ETS2: variants seen among roughly 807,000 people sequenced by gnomAD.
ETS2 encodes protein C-ets-2.
ETS2 carries 19 observed loss-of-function variants against 54.9 expected under a neutral mutation model. That is an observed-to-expected ratio of 0.35 (90% CI 0.24 to 0.51). The LOEUF is 0.51. ETS2 is among the 20% of genes least tolerant of loss of function. The probability of loss-of-function intolerance (pLI) is 0.97; values close to 1 mark genes in which losing one functional copy is unlikely to be tolerated. For synonymous variants in ETS2, 219 were observed against 229.3 expected (o/e 0.95, Z 0.41); for missense variants, 417 against 593.0 (o/e 0.70, Z 3.08).
At chr21:38,817,946 C>G (rs1385453425) in intron 6 of ETS2, among the ~76,000 whole-genome samples, 2 of 152,216 alleles carry the variant, frequency 1.3e-5, no homozygotes, top group Non-Finnish European at 2.9e-5. Context: ...GCTTCCTTCC[C>G]TCTCCAGAAA....
chr21:38,807,358 C>G (rs2060897569), intron 1 of ETS2, among the ~76,000 whole-genome samples: 1 of 150,278 alleles, frequency 6.7e-6, no homozygotes, highest in African/African-American at 2.4e-5. Flanking sequence ...TGTTGTCAGG[C>G]AAATTCTCCT....
At chr21:38,819,996 G>A (rs1478006073) in intron 8 of ETS2, among the ~76,000 whole-genome samples, 1 of 152,176 alleles carries the variant, frequency 6.6e-6, no homozygotes, top group Non-Finnish European at 1.5e-5. Context: ...AAATTGACAG[G>A]CCACTCCCTC....
At position 38,814,520 on chromosome 21, in the gene ETS2, C is replaced by G. The variant is rs1318944774; in HGVS notation, c.304+128C>G. On this transcript the variant is annotated intron_variant, in intron 4 of 9. Transcript: ENST00000360938. This position sits in a 1 kb window ranked among gnomAD's most constrained non-coding sequence, Gnocchi z 4.2. ...CAAAGAGTAGCATGGATGTCGTTAA[C>G]CTGAGCCAGTTTCTGTTTCACCCCA... The G allele has an allele frequency of 3.4e-6, 4 of 1,184,880 alleles. No homozygotes were observed. The East Asian group carries it at 9.7e-5, about 29-fold the overall frequency. The allele number at this position is 1,184,880 out of a possible 1,614,324, so 73.4% of individuals were successfully genotyped here.
At chr21:38,808,020 A>T (rs796540534) in intron 1 of ETS2, among the ~76,000 whole-genome samples, 3 of 152,324 alleles carry the variant, frequency 2.0e-5, no homozygotes, top group African/African-American at 7.2e-5. Context: ...GAAGGGCCTG[A>T]TCTGATAATA....
chr21:38,810,557 G>A (rs541188724), intron 2 of ETS2, among the ~76,000 whole-genome samples: 3 of 152,326 alleles, frequency 2.0e-5, no homozygotes, highest in African/African-American at 4.8e-5. Context: ...TAGGTAGCCT[G>A]TTACTGGCTC....
intron 2 of ETS2, among the ~76,000 whole-genome samples, chr21:38,811,348 G>A (rs1412152429): frequency 2.0e-5 from 3 of 152,172 alleles, no homozygotes; most frequent in Admixed American, 6.5e-5. Context: ...CTGATTGATC[G>A]GTTTTCCTCG....
chr21:38,805,722 C>T, upstream of ETS2: 1 of 999,528 alleles, frequency 1.0e-6, no homozygotes, highest in South Asian at 1.7e-5. The surrounding 1 kb of genome is among the most constrained non-coding windows in gnomAD (Gnocchi z 5.2). Context: ...TCCCCCAACC[C>T]TCCTGCTGCC....
chr21:38,820,512 T>C (rs186518247), intron 8 of ETS2, among the ~76,000 whole-genome samples: 84 of 151,946 alleles, frequency 5.5e-4, no homozygotes, highest in Non-Finnish European at 1.1e-3. Context: ...GGTTTCATTA[T>C]TGGGAGTTTA....
chr21:38,823,115 A>G lies in ETS2; in HGVS notation c.*226A>G. The G allele has an allele frequency of 2.6e-6, 1 of 386,932 alleles. No individual in the cohort carries two copies. Among genetic ancestry groups the G allele is most frequent in the Non-Finnish European group, 4.6e-6 (1 of 218,354 alleles). 24.0% of individuals were successfully genotyped at this position (386,932 alleles called of 1,614,324 possible). On this transcript the variant is annotated 3_prime_UTR_variant, in exon 10 of 10. Coordinates refer to ENST00000360938, the MANE Select transcript of ETS2 (RefSeq NM_005239.6). ...CTACTCACAGTGCTTTTAAGTGAAA[A>G]TGGTCGAGAAAGAGGCACCAGGAAG... is the stretch of plus-strand genomic sequence containing the variant.
intron 6 of ETS2, among the ~76,000 whole-genome samples, chr21:38,817,969 G>A (rs1045044296): frequency 2.0e-5 from 3 of 152,214 alleles, no homozygotes; most frequent in Non-Finnish European, 4.4e-5. Context: ...AAATTATTCT[G>A]CAATGAACAG....
chr21:38,820,355 A>C (rs1171095263), intron 8 of ETS2, among the ~76,000 whole-genome samples: 1 of 152,152 alleles, frequency 6.6e-6, no homozygotes, highest in Admixed American at 6.6e-5. Flanking sequence ...ATATGGAGCC[A>C]CTGTGGATTG....
intron 1 of ETS2, among the ~76,000 whole-genome samples, chr21:38,807,113 A>G (rs2060896625): frequency 6.6e-6 from 1 of 152,240 alleles, no homozygotes; most frequent in Non-Finnish European, 1.5e-5. Context: ...CTTTATTAAA[A>G]TTCTGAGTAG....
At chr21:38,815,658 C>A (rs1054143147) in intron 5 of ETS2, among the ~76,000 whole-genome samples, 1 of 151,454 alleles carries the variant, frequency 6.6e-6, no homozygotes, top group Non-Finnish European at 1.5e-5. Context: ...GGGCCAGGTG[C>A]GGTGGCTCAC....
At chr21:38,808,907 G>A (rs1054375362) in intron 1 of ETS2, among the ~76,000 whole-genome samples, 2 of 152,204 alleles carry the variant, frequency 1.3e-5, no homozygotes, top group African/African-American at 4.8e-5. Context: ...CACCCTAGAG[G>A]TGAAGGCCAT....
chr21:38,814,330 A>G lies in ETS2; in HGVS notation c.242A>G (p.Gln81Arg). 6.2e-7 allele frequency: 1 copy of G among 1,614,022 alleles called. No individual in the cohort carries two copies. The highest frequency in any genetic ancestry group is 8.5e-7 in the Non-Finnish European group (1 of 1,179,912). The change falls in exon 4 of 10, where the codon CAA (glutamine) becomes CGA (arginine). Residue 81 changes from glutamine to arginine, a missense_variant. Transcript: ENST00000360938. This position sits in a 1 kb window ranked among gnomAD's most constrained non-coding sequence, Gnocchi z 4.2. ...CCGTGCAGCAAGGCTGTGATGAGTC[A>G]AGCCTTAAAAGCTACCTTCAGTGGC... is the stretch of plus-strand genomic sequence containing the variant. ...LTPCSKAVMS[Q>R]ALKATFSGFK... is the part of the protein sequence containing the mutation.
chr21:38,823,856 G>T lies in ETS2; in HGVS notation c.*967G>T, dbSNP rs1324441601. On this transcript the variant is annotated 3_prime_UTR_variant, in exon 10 of 10. Coordinates refer to ENST00000360938, the MANE Select transcript of ETS2 (RefSeq NM_005239.6). Reference sequence around the variant, plus strand: ...GTTTAAGTCAGTTTATACACAAAATGGATTTTATTTTTTAGTTTAACTGTG... The same window carrying T: ...GTTTAAGTCAGTTTATACACAAAATTGATTTTATTTTTTAGTTTAACTGTG... The T allele has an allele frequency of 6.6e-6, 1 of 152,522 alleles. No homozygotes were observed. The highest frequency in any genetic ancestry group is 2.4e-5 in the African/African-American group (1 of 41,416). The allele number at this position is 152,522 out of a possible 1,614,324, so 9.4% of individuals were successfully genotyped here. A position where few individuals can be genotyped will look rare whatever the true frequency, so the allele number is the denominator to read the frequency against.
chr21:38,817,081 C>G lies in ETS2; in HGVS notation c.579C>G (p.Ser193Arg), dbSNP rs779726526. 1 of 1,597,824 alleles carries G rather than the reference C, an allele frequency of 6.3e-7. No individual in the cohort carries two copies. Among genetic ancestry groups the G allele is most frequent in the Admixed American group, 1.7e-5 (1 of 59,986 alleles). The change falls in exon 6 of 10, where the codon AGC (serine) becomes AGG (arginine). Residue 193 changes from serine (S) to arginine (R), a missense_variant. By Grantham distance (110) the Ser-to-Arg change is moderately radical. This residue lies in a region of ETS2 where 326 missense variants were observed against 426.1 expected (regional missense o/e 0.76). Coordinates refer to ENST00000360938, the MANE Select transcript of ETS2 (RefSeq NM_005239.6). ...HLTSVPHWIN[S>R]NTLGFGTEQA... ...CCTCCGTTCCTCATTGGATTAACAG[C>G]AATACATTAGGTCAGTCCGATTGAT...
intron 6 of ETS2, 47 bp downstream of exon 6, chr21:38,817,138 C>A (rs753406377): frequency 4.0e-6 from 5 of 1,254,704 alleles, no homozygotes; most frequent in Non-Finnish European, 5.8e-6. Flanking sequence ...TTCAGTCTTC[C>A]CAGTAGACTT....
chr21:38,813,440 G>T (rs112613130), intron 3 of ETS2, among the ~76,000 whole-genome samples: 2 of 152,190 alleles, frequency 1.3e-5, no homozygotes, highest in Non-Finnish European at 2.9e-5. Flanking sequence ...AAAACAGACA[G>T]AAGAGTAGAC....
Sources: gnomAD v4.1 joint callset for allele counts (sites outside exome capture counted in the v4.1 genomes callset) on GRCh38, gnomAD v4.1.1 for gene constraint, gnomAD v4.1.1 regional missense constraint, Gnocchi (gnomAD v3.1) non-coding constraint, MANE v1.5 for transcripts, NCBI Gene and HGNC (gene_info 2026-07-23, HGNC 2026-07-21) for gene names.